AGBL1: variants seen among roughly 807,000 people sequenced by gnomAD.
AGBL1 encodes AGBL carboxypeptidase 1.
In AGBL1, 130 loss-of-function variants were observed where a neutral mutation model predicts 118.9. That is an observed-to-expected ratio of 1.09 (90% confidence interval 0.95 to 1.26). The LOEUF (loss-of-function observed/expected upper bound fraction) is 1.26. Ranked by LOEUF, AGBL1 falls within the 50% of genes most tolerant of loss-of-function variation. The pLI, the probability that AGBL1 is intolerant of heterozygous loss-of-function variation, is 0.00. For synonymous variants in AGBL1, 555 were observed against 478.9 expected, an observed-to-expected ratio of 1.16 and a Z score of -2.08; for missense variants, 1,584 against 1,298.1, an observed-to-expected ratio of 1.22 and a Z score of -3.38.
At chr15:86,085,723 T>A (rs1895602309) in intron 1 of AGBL1, among the ~76,000 whole-genome samples, 1 of 152,232 alleles carries the variant, frequency 6.6e-6, no homozygotes, top group Non-Finnish European at 1.5e-5. Flanking sequence ...AGGGCTGGGA[T>A]GAACTGAGGC....
At chr15:86,835,201 C>G (rs1252932397) in intron 22 of AGBL1, among the ~76,000 whole-genome samples, 2 of 151,856 alleles carry the variant, frequency 1.3e-5, no homozygotes, top group Admixed American at 1.3e-4. Flanking sequence ...GAAACTGAGG[C>G]AAAAAGAAGT....
In AGBL1 at chr15:86,768,950, G is replaced by A. The variant is rs113142465; in HGVS notation, c.3158+94514G>A. On this transcript the variant is annotated intron_variant, in intron 22 of 22. Coordinates refer to ENST00000614907, the MANE Select transcript of AGBL1 (RefSeq NM_001386094.1). ...AATGTTGTCAGACACTGTAAAGGGT[G>A]TGAGGTTTTTAACCTACTTGCTAGA... Among the ~76,000 whole-genome samples the A allele has an allele frequency of 2.3e-3, 354 of 152,076 alleles. 1 individual carries two copies. The highest frequency in any genetic ancestry group is 7.7e-3 in the African/African-American group (321 of 41,522).
At chr15:86,945,305 A>G (rs2080805546) in intron 23 of AGBL1, among the ~76,000 whole-genome samples, 1 of 151,656 alleles carries the variant, frequency 6.6e-6, no homozygotes, top group South Asian at 2.1e-4. Context: ...AAAAGAGTTC[A>G]CGATATGTAA....
chr15:86,319,547 A>T (rs770014000), intron 17 of AGBL1, among the ~76,000 whole-genome samples: 53 of 151,956 alleles, frequency 3.5e-4, no homozygotes, highest in Non-Finnish European at 5.9e-4. Flanking sequence ...CCTTCTGGCC[A>T]CTGAGGTGTA....
chr15:86,281,086 T>G (rs911584375), intron 16 of AGBL1, among the ~76,000 whole-genome samples: 1 of 152,258 alleles, frequency 6.6e-6, no homozygotes, highest in African/African-American at 2.4e-5. Context: ...ACACTGCACA[T>G]GAAAAGTCTA....
chr15:86,141,920 G>T, intron 1 of AGBL1, 84 bp from the exon 2 acceptor site: 1 of 1,320,720 alleles, frequency 7.6e-7, no homozygotes, highest in Non-Finnish European at 1.0e-6. Context: ...AGGAAGTAGA[G>T]CTCTGCCATT....
chr15:86,449,387 G>T lies in AGBL1; in HGVS notation c.2555+51841G>T, dbSNP rs866144405. On this transcript the variant is annotated intron_variant, in intron 18 of 22. Coordinates refer to ENST00000614907, the MANE Select transcript of AGBL1 (RefSeq NM_001386094.1). The stretch of plus-strand genomic sequence containing the variant: ...AACTCATACTGGCTGTCTTTCAAGT[G>T]GGTTATGAGATCTTCAATTGGTAGA... 5.3e-5 allele frequency among the ~76,000 whole-genome samples: 8 copies of T among 152,210 alleles called. No homozygotes were observed. The South Asian group carries it at 6.2e-4, about 12-fold the overall frequency.
chr15:86,746,234 T>C (rs1248584151), intron 22 of AGBL1, among the ~76,000 whole-genome samples: 2 of 152,178 alleles, frequency 1.3e-5, no homozygotes, highest in African/African-American at 2.4e-5. Flanking sequence ...ACATGACTTA[T>C]GCATGACCTT....
At chr15:86,150,907 G>C (rs1179304699) in intron 3 of AGBL1, among the ~76,000 whole-genome samples, 5 of 151,942 alleles carry the variant, frequency 3.3e-5, no homozygotes, top group Admixed American at 3.3e-4. Flanking sequence ...ACATCAAAAA[G>C]CTTATCTCAA....
intron 23 of AGBL1, among the ~76,000 whole-genome samples, chr15:86,980,840 C>T (rs1302781345): frequency 2.7e-5 from 4 of 149,860 alleles, no homozygotes; most frequent in African/African-American, 4.9e-5. Flanking sequence ...ATCATTGAAG[C>T]TTTATCTACT....
At chr15:86,559,992 G>A (rs2083791452) in intron 21 of AGBL1, among the ~76,000 whole-genome samples, 1 of 152,046 alleles carries the variant, frequency 6.6e-6, no homozygotes, top group Non-Finnish European at 1.5e-5. Flanking sequence ...AGACAGAATT[G>A]GAACTAAAAG....
intron 17 of AGBL1, among the ~76,000 whole-genome samples, chr15:86,381,494 A>ACCCT (rs2081112849): frequency 6.6e-6 from 1 of 151,974 alleles, no homozygotes; most frequent in Non-Finnish European, 1.5e-5. Flanking sequence ...GGGGTAAAGG[A>ACCCT]CCCTGTGTGT....
rs539167633 is a variant in AGBL1 at position 86,688,640 on chromosome 15, A to T, written c.3158+14204A>T. On this transcript the variant is annotated intron_variant, in intron 22 of 22. Coordinates refer to ENST00000614907, the MANE Select transcript of AGBL1 (RefSeq NM_001386094.1). Reference sequence around the variant, plus strand: ...TAGAAAATGAATCAAACATTACTCAAACTACCAAATATTTCCCTATGAAGT... The same window carrying T: ...TAGAAAATGAATCAAACATTACTCATACTACCAAATATTTCCCTATGAAGT... Among the ~76,000 whole-genome samples the T allele has an allele frequency of 1.2e-4, 19 of 152,278 alleles. No individual in the cohort carries two copies. The East Asian group carries it at 3.7e-3, about 29-fold the overall frequency.
chr15:86,416,445 G>A (rs1036294322), intron 18 of AGBL1, among the ~76,000 whole-genome samples: 1 of 152,160 alleles, frequency 6.6e-6, no homozygotes, highest in Non-Finnish European at 1.5e-5. Context: ...TCTAGAAGGG[G>A]AGACTGCAGC....
chr15:86,707,330 A>T (rs538436726), intron 22 of AGBL1, among the ~76,000 whole-genome samples: 2 of 152,290 alleles, frequency 1.3e-5, no homozygotes, highest in East Asian at 3.9e-4. Flanking sequence ...GTGTCATGGG[A>T]ATGATTTCCA....
intron 21 of AGBL1, among the ~76,000 whole-genome samples, chr15:86,653,081 C>T (rs1280429898): frequency 6.6e-6 from 1 of 152,122 alleles, no homozygotes; most frequent in East Asian, 1.9e-4. Flanking sequence ...TTTATTTTCA[C>T]GAAAGATTAG....
intron 17 of AGBL1, among the ~76,000 whole-genome samples, chr15:86,301,434 A>T (rs2079743316): frequency 6.6e-6 from 1 of 151,676 alleles, no homozygotes; most frequent in African/African-American, 2.4e-5. Context: ...GCTTTTGACA[A>T]ATAGTACAGC....
At chr15:86,935,539 A>G (rs1231583047) in intron 23 of AGBL1, among the ~76,000 whole-genome samples, 1 of 152,184 alleles carries the variant, frequency 6.6e-6, no homozygotes, top group Non-Finnish European at 1.5e-5. Flanking sequence ...TTCTTCTTTT[A>G]TGCTCTTTCC....
chr15:86,654,736 C>T (rs1362548165), intron 21 of AGBL1, among the ~76,000 whole-genome samples: 2 of 152,062 alleles, frequency 1.3e-5, no homozygotes, highest in Non-Finnish European at 2.9e-5. Context: ...GGTCATTGAC[C>T]TCCCAGTCCC....
Sources: gnomAD v4.1 joint callset for allele counts (sites outside exome capture counted in the v4.1 genomes callset) on GRCh38, gnomAD v4.1.1 for gene constraint, MANE v1.5 for transcripts, NCBI Gene and HGNC (gene_info 2026-07-23, HGNC 2026-07-21) for gene names.